SNURF: variants seen among roughly 807,000 people sequenced by gnomAD.
The protein encoded by SNURF is SNRPN upstream open reading frame.
SNURF carries 6 observed loss-of-function variants against 11.6 expected under a neutral mutation model. The ratio of observed to expected loss-of-function variants is 0.52; its 90% CI spans 0.28 to 1.02. The LOEUF is 1.02. Among genes scored for constraint, SNURF ranks in the 50% least tolerant of loss-of-function variants. SNURF has a pLI of 0.09. For missense variants in SNURF, 84 were observed against 88.4 expected, an observed-to-expected ratio of 0.95 and a Z score of 0.20; for synonymous variants, 29 against 31.6, an observed-to-expected ratio of 0.92 and a Z score of 0.27.
chr15:24,956,425 G>C (rs1013595764), intron 1 of SNURF, among the ~76,000 whole-genome samples: 1 of 151,930 alleles, frequency 6.6e-6, no homozygotes, highest in Admixed American at 6.6e-5. Context: ...TTCAGCTTCT[G>C]CTGTTTCGGA....
At position 24,958,180 on chromosome 15, in the gene SNURF, C is replaced by G. The variant is rs545611867; in HGVS notation, c.14+3118C>G. ...ATCTTTATGTTTCCCTTACCCTGTT[C>G]CTTTTCCTAATAAACATCTTTGTTT... On this transcript the variant is annotated intron_variant, in intron 1 of 2. Transcript: ENST00000577949. Among the ~76,000 whole-genome samples the G allele has an allele frequency of 7.9e-5, 12 of 152,256 alleles. No individual in the cohort carries two copies. In the South Asian group the frequency reaches 2.3e-3, roughly 29 times the overall value.
chr15:24,975,760 A>G (rs886230838), intron 4 of SNURF, among the ~76,000 whole-genome samples: 2 of 152,182 alleles, frequency 1.3e-5, no homozygotes, highest in African/African-American at 4.8e-5. Context: ...GAATACTCGT[A>G]TTTATTTTTA....
chr15:24,977,519 A>T (rs2077203424), intron 6 of SNURF, among the ~76,000 whole-genome samples: 2 of 152,074 alleles, frequency 1.3e-5, no homozygotes, highest in Admixed American at 1.3e-4. Flanking sequence ...GGGTGCCTGT[A>T]ATCCCAGCTA....
At chr15:24,957,096 C>T (rs893876544) in intron 1 of SNURF, among the ~76,000 whole-genome samples, 1 of 151,946 alleles carries the variant, frequency 6.6e-6, no homozygotes, top group South Asian at 2.1e-4. Context: ...TTTTTTTTAA[C>T]TCCCTGTAGT....
intron 6 of SNURF, chr15:24,977,159 C>CA: frequency 1.6e-6 from 1 of 621,796 alleles, no homozygotes; most frequent in South Asian, 3.4e-5. Flanking sequence ...AACCAAAACA[C>CA]AGATATATGG....
chr15:24,975,587 C>T (rs2076964703), intron 4 of SNURF: 2 of 1,214,276 alleles, frequency 1.6e-6, no homozygotes, highest in Admixed American at 3.6e-5. Context: ...TAAGGGATTT[C>T]CGAGGGTAAC....
rs145306813 is a variant in SNURF, at chr15:24,962,208, G to A, written c.109G>A (p.Glu37Lys). The change falls in exon 2 of 3, where the codon GAG (glutamate) becomes AAG (lysine). Residue 37 changes from glutamate (E) to lysine (K), a missense_variant and splice_region_variant. Transcript: ENST00000577949. ...AAGGACTGCCTCACTGAGCAACCAAGAGTGAGTACAGACTGTGTTGGGAAC... is the reference window on the plus strand; with the variant it reads ...AAGGACTGCCTCACTGAGCAACCAAAAGTGAGTACAGACTGTGTTGGGAAC... The A allele has an allele frequency of 2.5e-6, 4 of 1,612,806 alleles. No individual in the cohort carries two copies. The African/African-American group carries it at 5.3e-5, about 22-fold the overall frequency.
chr15:24,956,668 G>C (rs1596167463), intron 1 of SNURF, among the ~76,000 whole-genome samples: 1 of 152,194 alleles, frequency 6.6e-6, no homozygotes, highest in East Asian at 1.9e-4. Context: ...GGCTGATACA[G>C]CAGCTGTTCC....
intron 2 of SNURF, among the ~76,000 whole-genome samples, chr15:24,963,148 T>C (rs1229924995): frequency 6.6e-6 from 1 of 152,216 alleles, no homozygotes; most frequent in Admixed American, 6.5e-5. Context: ...CCGTGCTGTC[T>C]GTATTTTGAC....
chr15:24,962,172 G>A (rs766822978), exon 2 of SNURF: 2 of 1,614,026 alleles, frequency 1.2e-6, no homozygotes, highest in East Asian at 4.5e-5. Flanking sequence ...GGAAGTCCAA[G>A]TCAAACGCAG....
chr15:24,976,963 G>A, exon 6 of SNURF: 1 of 1,605,258 alleles, frequency 6.2e-7, no homozygotes, highest in Non-Finnish European at 8.5e-7. Flanking sequence ...CAGCTGGTGT[G>A]CCAATTCCCC....
intron 1 of SNURF, among the ~76,000 whole-genome samples, chr15:24,959,551 T>C (rs2074427340): frequency 1.3e-5 from 2 of 152,246 alleles, no homozygotes; most frequent in East Asian, 1.9e-4. Flanking sequence ...ATTGAGCAAC[T>C]GCCGAATGGG....
At chr15:24,968,752 A>G (rs1032384351), downstream of SNURF, 3 of 152,048 alleles carry the variant, frequency 2.0e-5, no homozygotes, top group African/African-American at 7.2e-5. Context: ...TCTTTTTCTC[A>G]CTTTTCTGTT....
At chr15:24,955,291 C>T (rs1237696126) in intron 1 of SNURF, among the ~76,000 whole-genome samples, 1 of 151,978 alleles carries the variant, frequency 6.6e-6, no homozygotes, top group Non-Finnish European at 1.5e-5. Flanking sequence ...CCATCCGCCC[C>T]CAACTGTGGT....
chr15:24,971,951 G>A (rs1310806258), downstream of SNURF, among the ~76,000 whole-genome samples: 1 of 152,096 alleles, frequency 6.6e-6, no homozygotes, highest in Non-Finnish European at 1.5e-5. Flanking sequence ...AAGTGTTGCA[G>A]TGCTATAAAA....
At position 24,976,955 on chromosome 15, in the gene SNURF, G is replaced by C. The variant is rs2077128381; in HGVS notation, c.*388G>C. 6.2e-7 allele frequency: 1 copy of C among 1,606,802 alleles called. No individual in the cohort carries two copies. Among genetic ancestry groups the C allele is most frequent in the Non-Finnish European group, 8.5e-7 (1 of 1,177,700 alleles). Reference sequence around the variant, plus strand: ...TAGGGCAGCTGGTAGAGGAGTACCAGCTGGTGTGCCAATTCCCCAGGCCCC... The same window carrying C: ...TAGGGCAGCTGGTAGAGGAGTACCACCTGGTGTGCCAATTCCCCAGGCCCC... On this transcript the variant is annotated 3_prime_UTR_variant and NMD_transcript_variant, in exon 6 of 7. Coordinates refer to the SNURF transcript ENST00000580062.
At chr15:24,958,386 C>CCT (rs1400673835) in intron 1 of SNURF, among the ~76,000 whole-genome samples, 2,736 of 124,188 alleles carry the variant, frequency 0.022, 92 homozygotes, top group African/African-American at 0.074. Flanking sequence ...GTCCTGTCTC[C>CCT]TTTTTTTTTT....
downstream of SNURF, chr15:24,978,457 C>T (rs376058438): frequency 1.9e-6 from 3 of 1,611,444 alleles, no homozygotes; most frequent in African/African-American, 4.0e-5. Flanking sequence ...TACTGTTGAT[C>T]CATCTCAGTC....
At chr15:24,962,394 A>C (rs2074973876) in intron 2 of SNURF, among the ~76,000 whole-genome samples, 185 bp downstream of exon 2, 1 of 152,240 alleles carries the variant, frequency 6.6e-6, no homozygotes, top group Non-Finnish European at 1.5e-5. Context: ...TCACCCTCTT[A>C]AAGATTTTAG....
Sources: gnomAD v4.1 joint callset for allele counts (sites outside exome capture counted in the v4.1 genomes callset) on GRCh38, gnomAD v4.1.1 for gene constraint, MANE v1.5 for transcripts, NCBI Gene and HGNC (gene_info 2026-07-23, HGNC 2026-07-21) for gene names.